Variants in CSMD3 observed in about 807,000 individuals in gnomAD.
CSMD3 encodes CUB and sushi domain-containing protein 3.
A neutral mutation model predicts 435.2 loss-of-function variants in CSMD3; 177 were observed. The observed-to-expected ratio is 0.41, with a 90% CI of 0.36 to 0.46. The LOEUF is 0.46. CSMD3 is among the 20% of genes least tolerant of loss of function. The probability of loss-of-function intolerance (pLI) is 0.34; values close to 1 mark genes in which losing one functional copy is unlikely to be tolerated. For synonymous variants in CSMD3, 1,656 were observed against 1,520.5 expected (o/e 1.09, Z -2.07); for missense variants, 4,265 against 4,504.6 (o/e 0.95, Z 1.52).
intron 19 of CSMD3, among the ~76,000 whole-genome samples, chr8:112,646,165 G>A (rs973973517): frequency 1.3e-5 from 2 of 152,170 alleles, no homozygotes; most frequent in Non-Finnish European, 2.9e-5. Flanking sequence ...TGAATGAAAT[G>A]TCTACTGAGT....
intron 40 of CSMD3, 41 bp downstream of exon 40, chr8:112,351,134 T>C: frequency 8.2e-7 from 1 of 1,219,620 alleles, no homozygotes; most frequent in Non-Finnish European, 1.2e-6. Context: ...TTTTTTACAC[T>C]TTAAGTTCTA....
intron 30 of CSMD3, among the ~76,000 whole-genome samples, chr8:112,502,381 A>C (rs556734276): frequency 3.9e-5 from 6 of 152,338 alleles, no homozygotes; most frequent in African/African-American, 1.4e-4. Flanking sequence ...TTTCTTGTGA[A>C]ATGAGAGACT....
intron 70 of CSMD3, among the ~76,000 whole-genome samples, chr8:112,227,856 C>T (rs907001482): frequency 5.9e-5 from 9 of 152,164 alleles, no homozygotes; most frequent in African/African-American, 2.2e-4. Context: ...TCCTGGCTAA[C>T]ACGGTGAAAC....
At chr8:112,801,552 C>G (rs1318317618) in intron 12 of CSMD3, among the ~76,000 whole-genome samples, 2 of 152,012 alleles carry the variant, frequency 1.3e-5, no homozygotes, top group Non-Finnish European at 2.9e-5. Flanking sequence ...TTCCTTCTTC[C>G]TGCCAAAAAC....
chr8:113,257,952 A>G (rs1438506582), intron 3 of CSMD3, among the ~76,000 whole-genome samples: 1 of 152,218 alleles, frequency 6.6e-6, no homozygotes, highest in African/African-American at 2.4e-5. Context: ...CTTGATTTCA[A>G]GGTACTAAGA....
At chr8:113,250,561 T>C (rs1298072083) in intron 3 of CSMD3, among the ~76,000 whole-genome samples, 1 of 152,146 alleles carries the variant, frequency 6.6e-6, no homozygotes, top group Non-Finnish European at 1.5e-5. Context: ...TTCCATTAGA[T>C]GCAGAGCGGA....
intron 2 of CSMD3, among the ~76,000 whole-genome samples, chr8:113,279,927 G>T (rs2093600982): frequency 6.6e-6 from 1 of 151,640 alleles, no homozygotes; most frequent in African/African-American, 2.4e-5. Context: ...AGATGATCAC[G>T]TGAATTTTGT....
chr8:112,744,641 T>G (rs1005609411), intron 13 of CSMD3, among the ~76,000 whole-genome samples: 6 of 152,012 alleles, frequency 3.9e-5, no homozygotes, highest in African/African-American at 7.2e-5. Flanking sequence ...TCTTTCTTAT[T>G]TAGGCAGTTA....
chr8:112,973,360 A>G (rs866603929), intron 7 of CSMD3, among the ~76,000 whole-genome samples: 9 of 151,950 alleles, frequency 5.9e-5, no homozygotes, highest in Admixed American at 5.9e-4. Context: ...CACTCTCTGC[A>G]TACACACTGT....
chr8:112,493,732 G>A, intron 30 of CSMD3, among the ~76,000 whole-genome samples: 1 of 152,146 alleles, frequency 6.6e-6, no homozygotes, highest in East Asian at 1.9e-4. Context: ...TAGAGAAATG[G>A]AAAGATTAGC....
intron 10 of CSMD3, among the ~76,000 whole-genome samples, chr8:112,863,754 GAAAT>G (rs566919196): frequency 2.4e-4 from 36 of 151,850 alleles, no homozygotes; most frequent in African/African-American, 7.5e-4. Context: ...TAACACAAAG[GAAAT>G]AAATAAACGT....
At chr8:113,149,973 AT>A (rs933868141) in intron 4 of CSMD3, among the ~76,000 whole-genome samples, 8 of 151,568 alleles carry the variant, frequency 5.3e-5, no homozygotes, top group African/African-American at 1.7e-4. Flanking sequence ...TGTGAGAAAG[AT>A]TTTTTTTTCA....
chr8:113,029,145 G>C (rs1490001798), intron 5 of CSMD3, among the ~76,000 whole-genome samples: 1 of 151,258 alleles, frequency 6.6e-6, no homozygotes, highest in African/African-American at 2.4e-5. Context: ...TACACTGCCT[G>C]TACTCAAAAA....
intron 1 of CSMD3, among the ~76,000 whole-genome samples, chr8:113,386,252 A>G (rs925146903): frequency 6.6e-6 from 1 of 151,930 alleles, no homozygotes; most frequent in African/African-American, 2.4e-5. Context: ...GAGTGGGGGT[A>G]GTAGATGTCT....
chr8:112,906,562 A>T (rs768394771), intron 10 of CSMD3, among the ~76,000 whole-genome samples: 2 of 151,544 alleles, frequency 1.3e-5, no homozygotes, highest in African/African-American at 4.8e-5. Flanking sequence ...AGGGATAAGC[A>T]TCACTTAAGG....
intron 4 of CSMD3, among the ~76,000 whole-genome samples, chr8:113,173,424 C>T (rs2092299930): frequency 6.6e-6 from 1 of 152,034 alleles, no homozygotes; most frequent in South Asian, 2.1e-4. Context: ...TGGGTTCAAG[C>T]AACACTCCTG....
intron 10 of CSMD3, among the ~76,000 whole-genome samples, chr8:112,866,600 A>G (rs2080991872): frequency 6.6e-6 from 1 of 152,108 alleles, no homozygotes; most frequent in Non-Finnish European, 1.5e-5. Flanking sequence ...TGTTCACCTG[A>G]GAGTTAGTTA....
At chr8:112,633,296 T>C (rs1336960899) in intron 22 of CSMD3, among the ~76,000 whole-genome samples, 1 of 117,906 alleles carries the variant, frequency 8.5e-6, no homozygotes, top group Non-Finnish European at 1.8e-5. Flanking sequence ...CCAGATTTCC[T>C]CCCAACTTTA....
intron 3 of CSMD3, among the ~76,000 whole-genome samples, chr8:113,216,181 T>G (rs1374062133): frequency 6.6e-6 from 1 of 151,968 alleles, no homozygotes; most frequent in Admixed American, 6.6e-5. Flanking sequence ...AAGAAATAAT[T>G]ACATTAATTA....
Sources: gnomAD v4.1 joint callset for allele counts (sites outside exome capture counted in the v4.1 genomes callset) on GRCh38, gnomAD v4.1.1 for gene constraint, MANE v1.5 for transcripts, NCBI Gene and HGNC (gene_info 2026-07-23, HGNC 2026-07-21) for gene names.